Variants in LGSN observed in about 807,000 individuals in gnomAD.
LGSN encodes the protein lengsin.
In LGSN, 21 loss-of-function variants were observed where a neutral mutation model predicts 19.5. The ratio of observed to expected loss-of-function variants is 1.07; its 90% confidence interval spans 0.76 to 1.55. The LOEUF (loss-of-function observed/expected upper bound fraction) is 1.55. Ranked by LOEUF, LGSN falls within the 40% of genes most tolerant of loss-of-function variation. The pLI, the probability that LGSN is intolerant of heterozygous loss-of-function variation, is 0.00. For synonymous variants in LGSN, 257 were observed against 215.6 expected (o/e 1.19, Z -1.68); for missense variants, 673 against 608.5 (o/e 1.11, Z -1.12).
chr6:63,316,007 A>C (rs1490659031), intron 1 of LGSN, among the ~76,000 whole-genome samples: 2 of 152,082 alleles, frequency 1.3e-5, no homozygotes, highest in Non-Finnish European at 2.9e-5. Context: ...TACTTAATAT[A>C]ATAAGCCCAA....
At chr6:63,527,383 A>G in the LGSN span, among the ~76,000 whole-genome samples, 10 of 152,168 alleles carry the variant, frequency 6.6e-5, no homozygotes, top group Non-Finnish European at 8.8e-5. Flanking sequence ...TAGAATATTG[A>G]CCAATAAGTG....
chr6:63,531,888 G>A, the LGSN span, among the ~76,000 whole-genome samples: 1 of 148,522 alleles, frequency 6.7e-6, no homozygotes, highest in African/African-American at 2.5e-5. Context: ...CTGCAACCTT[G>A]CCTCCCGGGT....
At chr6:63,348,842 C>T in the LGSN span, among the ~76,000 whole-genome samples, 2 of 150,716 alleles carry the variant, frequency 1.3e-5, no homozygotes, top group East Asian at 3.9e-4. Context: ...CCTCCTGCCT[C>T]GCCTTCCTAA....
At chr6:63,405,570 T>G in the LGSN span, among the ~76,000 whole-genome samples, 2 of 152,190 alleles carry the variant, frequency 1.3e-5, no homozygotes, top group Non-Finnish European at 2.9e-5. Context: ...TGGTGAGCAT[T>G]TTTTCATGTG....
the LGSN span, among the ~76,000 whole-genome samples, chr6:63,530,536 C>T: frequency 2.6e-5 from 4 of 152,014 alleles, no homozygotes; most frequent in Non-Finnish European, 4.4e-5. Context: ...CAGTGGACGC[C>T]GTTCACATAG....
the LGSN span, among the ~76,000 whole-genome samples, chr6:63,415,117 C>T: frequency 2.6e-5 from 4 of 151,870 alleles, no homozygotes; most frequent in African/African-American, 7.3e-5. Context: ...GTCAGGAGTT[C>T]GAGATCAGCC....
chr6:63,545,487 T>A, the LGSN span, among the ~76,000 whole-genome samples: 2 of 152,140 alleles, frequency 1.3e-5, no homozygotes, highest in Non-Finnish European at 2.9e-5. Flanking sequence ...GGCACATGCC[T>A]GTAATCCCAG....
chr6:63,541,404 AT>A, the LGSN span, among the ~76,000 whole-genome samples: 1 of 151,968 alleles, frequency 6.6e-6, no homozygotes, highest in Non-Finnish European at 1.5e-5. Flanking sequence ...AAACAAAAAA[AT>A]AGCCAGGCAT....
the LGSN span, among the ~76,000 whole-genome samples, chr6:63,366,439 A>G: frequency 5.9e-5 from 9 of 152,348 alleles, no homozygotes; most frequent in East Asian, 9.6e-4. Context: ...GAAATAAAAG[A>G]GGACAGAAAC....
chr6:63,487,175 G>T, the LGSN span, among the ~76,000 whole-genome samples: 3 of 151,726 alleles, frequency 2.0e-5, no homozygotes, highest in Non-Finnish European at 4.4e-5. Context: ...TCACCATATT[G>T]CCCAGATTGG....
At chr6:63,318,172 A>G (rs535328707) in intron 1 of LGSN, among the ~76,000 whole-genome samples, 31 of 152,308 alleles carry the variant, frequency 2.0e-4, no homozygotes, top group African/African-American at 7.5e-4. Flanking sequence ...TAAGATTAAT[A>G]ACTGTTCATT....
At chr6:63,529,033 G>A in the LGSN span, among the ~76,000 whole-genome samples, 1 of 151,156 alleles carries the variant, frequency 6.6e-6, no homozygotes, top group Non-Finnish European at 1.5e-5. Context: ...AGGTTACAGT[G>A]AGCCGAGATT....
At chr6:63,304,514 A>G (rs1768305030) in intron 1 of LGSN, among the ~76,000 whole-genome samples, 2 of 152,222 alleles carry the variant, frequency 1.3e-5, no homozygotes, top group South Asian at 4.1e-4. Flanking sequence ...GTACATGAAT[A>G]AATACACTGG....
At chr6:63,543,867 TTTACTCTTCG>T in the LGSN span, among the ~76,000 whole-genome samples, 1 of 152,360 alleles carries the variant, frequency 6.6e-6, no homozygotes, top group African/African-American at 2.4e-5. Flanking sequence ...TAGATTTCAT[TTTACTCTTCG>T]TGTTTATTTG....
the LGSN span, among the ~76,000 whole-genome samples, chr6:63,357,684 T>C: frequency 7.2e-5 from 11 of 152,286 alleles, no homozygotes; most frequent in Non-Finnish European, 1.3e-4. Context: ...GGGTTGTTTG[T>C]TTTTTTCTTG....
At chr6:63,447,272 TCTGG>T in the LGSN span, among the ~76,000 whole-genome samples, 1 of 152,188 alleles carries the variant, frequency 6.6e-6, no homozygotes, top group Non-Finnish European at 1.5e-5. Context: ...TCAATAAAGT[TCTGG>T]CTTTTTTGAC....
chr6:63,514,860 C>A, the LGSN span, among the ~76,000 whole-genome samples: 1 of 151,994 alleles, frequency 6.6e-6, no homozygotes, highest in African/African-American at 2.4e-5. Flanking sequence ...GGCACCACAC[C>A]AAGCTAATTT....
At chr6:63,323,280 G>A (rs1031537593), upstream of LGSN, among the ~76,000 whole-genome samples, 3 of 152,138 alleles carry the variant, frequency 2.0e-5, no homozygotes, top group African/African-American at 4.8e-5. Flanking sequence ...GAGTCCAGGT[G>A]CAGTTTTGTT....
At chr6:63,391,236 G>T in the LGSN span, among the ~76,000 whole-genome samples, 2 of 152,158 alleles carry the variant, frequency 1.3e-5, no homozygotes, top group Non-Finnish European at 2.9e-5. Context: ...ATTTGGGTTT[G>T]AGAAAAACAT....
Sources: gnomAD v4.1 joint callset for allele counts (sites outside exome capture counted in the v4.1 genomes callset) on GRCh38, gnomAD v4.1.1 for gene constraint, MANE v1.5 for transcripts, NCBI Gene and HGNC (gene_info 2026-07-23, HGNC 2026-07-21) for gene names.